The following ZFHX3 variants were observed in gnomAD, a reference collection of about 807,000 sequenced individuals.
ZFHX3 encodes the protein zinc finger homeobox 3, also known as zinc finger homeobox protein 3.
In ZFHX3, 42 loss-of-function variants were observed where a neutral mutation model predicts 279.1. That is an observed-to-expected ratio of 0.15 (90% CI 0.12 to 0.19). The LOEUF (loss-of-function observed/expected upper bound fraction) is 0.19, where lower values mean the gene tolerates loss of function less well. Ranked by LOEUF, ZFHX3 falls within the 10% of genes least tolerant of loss-of-function variation. ZFHX3 has a pLI of 1.00. For synonymous variants in ZFHX3, 2,293 were observed against 1,957.8 expected (o/e 1.17, Z -4.52); for missense variants, 4,981 against 4,754.0 (o/e 1.05, Z -1.40).
At chr16:73,322,215 C>A (rs192911821) in intron 3 of ZFHX3, among the ~76,000 whole-genome samples, 1 of 151,958 alleles carries the variant, frequency 6.6e-6, no homozygotes, top group Admixed American at 6.5e-5. Flanking sequence ...CGTGGGGGAG[C>A]CCAGAGGCAG....
Position 72,959,405 on chromosome 16 carries a change from G to A in ZFHX3, c.741C>T (p.Ser247=), listed in dbSNP as rs200553374. The change falls in exon 2 of 10, where the codon AGC becomes AGT. Residue 247 remains serine (S), a synonymous_variant. Transcript: ENST00000268489. ...RHKSNKDYLN[S]DGSAKSSCVS... Reference sequence around the variant, plus strand: ...CGCAGGAGCTTTTGGCAGAACCGTCGCTGTTCAGGTAATCCTTGTTGCTTT... The same window carrying A: ...CGCAGGAGCTTTTGGCAGAACCGTCACTGTTCAGGTAATCCTTGTTGCTTT... The A allele has an allele frequency of 2.8e-5, 46 of 1,614,216 alleles. No individual in the cohort carries two copies. The highest frequency in any genetic ancestry group is 4.4e-5 in the South Asian group (4 of 91,084).
chr16:73,707,549 AG>A (rs1392996398), intron 1 of ZFHX3, among the ~76,000 whole-genome samples: 1 of 130,380 alleles, frequency 7.7e-6, no homozygotes, highest in East Asian at 2.3e-4. Context: ...ATGAGAACAC[AG>A]GGACACAGGA....
intron 2 of ZFHX3, among the ~76,000 whole-genome samples, chr16:73,579,318 A>C (rs1234902856): frequency 6.6e-6 from 1 of 151,990 alleles, no homozygotes. Context: ...CCCAGACGGT[A>C]CTCTGACCAC....
intron 3 of ZFHX3, among the ~76,000 whole-genome samples, chr16:73,341,568 G>A (rs550063893): frequency 3.1e-4 from 47 of 152,234 alleles, no homozygotes; most frequent in African/African-American, 1.0e-3. Context: ...TCTACTCCTA[G>A]ATGTACACAC....
At chr16:73,537,478 G>A (rs906122679) in intron 2 of ZFHX3, among the ~76,000 whole-genome samples, 20 of 152,026 alleles carry the variant, frequency 1.3e-4, no homozygotes, top group Admixed American at 9.2e-4. Context: ...TGCCACGCCC[G>A]GCTAATTGTT....
At chr16:73,348,607 T>C (rs2016164556) in intron 3 of ZFHX3, among the ~76,000 whole-genome samples, 1 of 152,224 alleles carries the variant, frequency 6.6e-6, no homozygotes, top group Non-Finnish European at 1.5e-5. Flanking sequence ...GTTCAGAGGA[T>C]GGACTGATCT....
intron 1 of ZFHX3, among the ~76,000 whole-genome samples, chr16:73,824,341 C>T (rs1485863818): frequency 6.7e-6 from 1 of 150,330 alleles, no homozygotes; most frequent in East Asian, 1.9e-4. Flanking sequence ...TAATAATCTC[C>T]AAAACAATGT....
chr16:73,754,569 G>A (rs1002461294), intron 1 of ZFHX3, among the ~76,000 whole-genome samples: 1 of 152,072 alleles, frequency 6.6e-6, no homozygotes, highest in African/African-American at 2.4e-5. Context: ...AATATTGTTT[G>A]TAGTAAGACA....
At chr16:73,075,237 C>G (rs538127964) in intron 8 of ZFHX3, among the ~76,000 whole-genome samples, 1 of 151,972 alleles carries the variant, frequency 6.6e-6, no homozygotes, top group South Asian at 2.1e-4. Flanking sequence ...TCACTTAAGC[C>G]CAGGAATTTG....
intron 3 of ZFHX3, among the ~76,000 whole-genome samples, chr16:72,918,695 CT>C (rs568638106): frequency 0.012 from 1,562 of 130,608 alleles, 7 homozygotes; most frequent in African/African-American, 0.023. Flanking sequence ...AAAGGTAGTT[CT>C]TTTTTTTTTT....
chr16:73,514,255 A>T (rs1469645293), intron 2 of ZFHX3, among the ~76,000 whole-genome samples: 1 of 152,148 alleles, frequency 6.6e-6, no homozygotes, highest in Non-Finnish European at 1.5e-5. Context: ...CTCAAAAAAA[A>T]AATAAAAAAT....
chr16:73,433,837 C>A (rs2017950824), intron 3 of ZFHX3, among the ~76,000 whole-genome samples: 1 of 152,306 alleles, frequency 6.6e-6, no homozygotes, highest in Admixed American at 6.5e-5. Context: ...GGCTTCCCGG[C>A]CGCCTGGGTG....
At chr16:73,237,812 T>C (rs1046770374) in intron 5 of ZFHX3, among the ~76,000 whole-genome samples, 4 of 151,892 alleles carry the variant, frequency 2.6e-5, no homozygotes, top group Admixed American at 6.5e-5. Context: ...GAACCACAGC[T>C]AATTTCCACT....
At position 72,794,733 on chromosome 16, in the gene ZFHX3, G is replaced by A. The variant is rs778646859; in HGVS notation, c.7949C>T (p.Pro2650Leu). The A allele has an allele frequency of 3.7e-6, 6 of 1,614,064 alleles. No individual in the cohort carries two copies. Among genetic ancestry groups the A allele is most frequent in the East Asian group, 2.2e-5 (1 of 44,882 alleles). Residue 2650 changes from proline (P) to leucine (L), a missense_variant, in exon 9 of 10, where the codon CCG becomes CTG. Physicochemically the swap from Pro to Leu is moderately conservative, Grantham distance 98 (BLOSUM62 -3). This residue lies in a region of ZFHX3 where 744 missense variants were observed against 701.3 expected (regional missense o/e 1.06). Transcript: ENST00000268489. The surrounding 1 kb of genome is among the most constrained non-coding windows in gnomAD (Gnocchi z 4.2). ...CTGGTAGAGAATTTCTAGTTGTTCC[G>A]GTGTGATGGTTGTTCTCAAACGCTT... ...RDKRLRTTIT[P>L]EQLEILYQKY...
intron 1 of ZFHX3, among the ~76,000 whole-genome samples, chr16:73,723,233 G>C (rs1398072931): frequency 1.3e-5 from 2 of 152,072 alleles, no homozygotes; most frequent in Non-Finnish European, 2.9e-5. Flanking sequence ...AACCAAACTT[G>C]TATTATGTGT....
intron 2 of ZFHX3, among the ~76,000 whole-genome samples, chr16:73,547,966 A>G (rs1567515960): frequency 6.6e-6 from 1 of 152,196 alleles, no homozygotes; most frequent in Admixed American, 6.5e-5. Flanking sequence ...GATTTACCCA[A>G]ATGCTGCTTT....
At chr16:73,063,495 T>G (rs1211586709), upstream of ZFHX3, among the ~76,000 whole-genome samples, 1 of 152,106 alleles carries the variant, frequency 6.6e-6, no homozygotes, top group Non-Finnish European at 1.5e-5. Context: ...AATCGCTCCA[T>G]CCAAGGCTCT....
At chr16:73,886,718 C>T (rs1015319191) in intron 1 of ZFHX3, among the ~76,000 whole-genome samples, 3 of 152,120 alleles carry the variant, frequency 2.0e-5, no homozygotes, top group Non-Finnish European at 2.9e-5. Context: ...AGAAATGGCA[C>T]ATGCAAAGCC....
intron 4 of ZFHX3, among the ~76,000 whole-genome samples, chr16:72,845,752 C>G (rs983372872): frequency 6.6e-6 from 1 of 152,166 alleles, no homozygotes; most frequent in Non-Finnish European, 1.5e-5. Context: ...AAAACCAATA[C>G]CACGCGCCTG....
Sources: gnomAD v4.1 joint callset for allele counts (sites outside exome capture counted in the v4.1 genomes callset) on GRCh38, gnomAD v4.1.1 for gene constraint, gnomAD v4.1.1 regional missense constraint, Gnocchi (gnomAD v3.1) non-coding constraint, MANE v1.5 for transcripts, NCBI Gene and HGNC (gene_info 2026-07-23, HGNC 2026-07-21) for gene names.